Variants in STARD13 observed in about 807,000 individuals in gnomAD.
STARD13 encodes the protein stAR-related lipid transfer protein 13.
Under a neutral mutation model 106.4 loss-of-function variants are expected in STARD13, and 62 were observed. The ratio of observed to expected loss-of-function variants is 0.58; its 90% CI spans 0.48 to 0.72. The LOEUF (loss-of-function observed/expected upper bound fraction) is 0.72, where lower values mean the gene tolerates loss of function less well. Ranked by LOEUF, STARD13 falls within the 30% of genes least tolerant of loss-of-function variation. STARD13 has a pLI of 0.00. For missense variants in STARD13, 1,387 were observed against 1,424.0 expected (o/e 0.97, Z 0.42); for synonymous variants, 565 against 553.0 (o/e 1.02, Z -0.31).
intron 1 of STARD13, among the ~76,000 whole-genome samples, chr13:33,265,955 G>A (rs1890876421): frequency 6.6e-6 from 1 of 152,148 alleles, no homozygotes; most frequent in South Asian, 2.1e-4. Context: ...TATAAGGCAT[G>A]TAAACATTGT....
chr13:33,378,654 G>A, the STARD13 span, among the ~76,000 whole-genome samples: 1 of 151,990 alleles, frequency 6.6e-6, no homozygotes, highest in Non-Finnish European at 1.5e-5. Flanking sequence ...GCCGAGTGTG[G>A]TGGCGGGCGC....
chr13:33,137,708 G>A (rs763602230), intron 4 of STARD13, among the ~76,000 whole-genome samples: 1 of 152,242 alleles, frequency 6.6e-6, no homozygotes, highest in African/African-American at 2.4e-5. Flanking sequence ...AAATCCTGCA[G>A]TGAGTGAGTG....
the STARD13 span, among the ~76,000 whole-genome samples, chr13:33,628,480 A>G: frequency 1.3e-5 from 2 of 152,306 alleles, no homozygotes; most frequent in African/African-American, 4.8e-5. Flanking sequence ...CTATTCTAAT[A>G]GGCATTAAAG....
chr13:33,440,989 T>C, the STARD13 span, among the ~76,000 whole-genome samples: 1 of 151,692 alleles, frequency 6.6e-6, no homozygotes, highest in African/African-American at 2.4e-5. Context: ...TGTCCAAAAC[T>C]CAACGTCCTC....
the STARD13 span, among the ~76,000 whole-genome samples, chr13:33,481,821 T>C: frequency 4.0e-5 from 6 of 149,242 alleles, no homozygotes; most frequent in Non-Finnish European, 7.4e-5. Context: ...CTACTAAAAA[T>C]ACAAAAAATT....
the STARD13 span, among the ~76,000 whole-genome samples, chr13:33,578,722 A>T: frequency 6.6e-6 from 1 of 152,064 alleles, no homozygotes; most frequent in Non-Finnish European, 1.5e-5. Context: ...ACAACCCACA[A>T]TGAGAGAAAA....
the STARD13 span, among the ~76,000 whole-genome samples, chr13:33,428,388 C>T: frequency 6.6e-6 from 1 of 152,060 alleles, no homozygotes; most frequent in Admixed American, 6.6e-5. Flanking sequence ...AGACAGCACA[C>T]AGAGTTAGAG....
intron 1 of STARD13, among the ~76,000 whole-genome samples, chr13:33,260,933 C>T (rs540164967): frequency 6.6e-6 from 1 of 152,308 alleles, no homozygotes; most frequent in East Asian, 1.9e-4. Flanking sequence ...TCCTTCCCGT[C>T]TTCATTAGAG....
chr13:33,560,383 G>A, the STARD13 span, among the ~76,000 whole-genome samples: 2,293 of 151,296 alleles, frequency 0.015, 141 homozygotes, highest in African/African-American at 0.043. Context: ...CTAAGAAAAC[G>A]AAGTAAATTA....
At chr13:33,511,823 A>G in the STARD13 span, among the ~76,000 whole-genome samples, 1 of 152,178 alleles carries the variant, frequency 6.6e-6, no homozygotes, top group Non-Finnish European at 1.5e-5. Context: ...ACTTGCTTCT[A>G]TCACTAAAGT....
At chr13:33,486,147 C>T in the STARD13 span, among the ~76,000 whole-genome samples, 4 of 152,078 alleles carry the variant, frequency 2.6e-5, no homozygotes, top group African/African-American at 9.7e-5. Flanking sequence ...GATTTGGACC[C>T]AGAGACTCCT....
chr13:33,127,314 G>T (rs930813073), intron 6 of STARD13, 59 bp downstream of exon 6: 23 of 1,478,198 alleles, frequency 1.6e-5, no homozygotes, highest in Admixed American at 1.5e-4. Context: ...GGAAGCTTCT[G>T]CAATCACACA....
intron 1 of STARD13, among the ~76,000 whole-genome samples, chr13:33,186,335 C>T (rs989540814): frequency 2.6e-5 from 4 of 152,230 alleles, no homozygotes; most frequent in African/African-American, 9.6e-5. Flanking sequence ...TCCACTCATT[C>T]ACATTCTCAA....
intron 6 of STARD13, 128 bp from the exon 7 acceptor site, chr13:33,126,368 T>C (rs921977958): frequency 1.1e-6 from 1 of 879,520 alleles, no homozygotes; most frequent in Non-Finnish European, 1.8e-6. Context: ...GAATTCAACA[T>C]TCTCTCTGCA....
At chr13:33,537,052 A>T in the STARD13 span, among the ~76,000 whole-genome samples, 1 of 152,214 alleles carries the variant, frequency 6.6e-6, no homozygotes, top group Admixed American at 6.5e-5. Flanking sequence ...TACAAAAACA[A>T]TTTCAGGATT....
the STARD13 span, among the ~76,000 whole-genome samples, chr13:33,464,024 C>CATATATATATAT: frequency 3.4e-3 from 382 of 112,388 alleles, no homozygotes; most frequent in East Asian, 4.7e-3. Context: ...AAAAAAAATA[C>CATATATATATAT]ATATATATAT....
chr13:33,251,874 C>G (rs1890110062), intron 1 of STARD13, among the ~76,000 whole-genome samples: 1 of 152,186 alleles, frequency 6.6e-6, no homozygotes, highest in Non-Finnish European at 1.5e-5. Flanking sequence ...TGAGTAACAC[C>G]TAATCCTGAA....
At position 33,181,893 on chromosome 13, in the gene STARD13, G is replaced by A. The variant is rs1322866245; in HGVS notation, c.170-14271C>T. 4.7e-5 allele frequency among the ~76,000 whole-genome samples: 7 copies of A among 147,788 alleles called. No homozygotes were observed. In the East Asian group the frequency reaches 1.4e-3, roughly 29 times the overall value. On this transcript the variant is annotated intron_variant, in intron 1 of 13. Transcript: ENST00000336934. ...AGTAATGAGAGATTTAGTCTTGGAA[G>A]AAGAGTAGTGAGAAAAGATTTCCCT... is the stretch of plus-strand genomic sequence containing the variant.
the STARD13 span, among the ~76,000 whole-genome samples, chr13:33,598,990 A>G: frequency 6.6e-6 from 1 of 152,206 alleles, no homozygotes; most frequent in Non-Finnish European, 1.5e-5. Flanking sequence ...CCATGATGTA[A>G]GAAACTTTTG....
Sources: gnomAD v4.1 joint callset for allele counts (sites outside exome capture counted in the v4.1 genomes callset) on GRCh38, gnomAD v4.1.1 for gene constraint, MANE v1.5 for transcripts, NCBI Gene and HGNC (gene_info 2026-07-23, HGNC 2026-07-21) for gene names.